Variants in CNTN1 observed in about 807,000 individuals in gnomAD.
The protein encoded by CNTN1 is contactin 1.
CNTN1 carries 38 observed loss-of-function variants against 126.4 expected under a neutral mutation model. The observed-to-expected ratio is 0.30, with a 90% confidence interval of 0.23 to 0.39. CNTN1 has a LOEUF of 0.39. CNTN1 is among the 10% of genes least tolerant of loss of function. CNTN1 has a pLI of 1.00. For synonymous variants in CNTN1, 413 were observed against 422.6 expected (o/e 0.98, Z 0.28); for missense variants, 1,009 against 1,248.4 (o/e 0.81, Z 2.89).
chr12:41,056,028 T>C (rs1174936227), intron 23 of CNTN1, among the ~76,000 whole-genome samples: 1 of 152,092 alleles, frequency 6.6e-6, no homozygotes, highest in Non-Finnish European at 1.5e-5. Flanking sequence ...AAATCCTAAA[T>C]ACCTTCTAAT....
At chr12:41,038,813 G>A (rs2120927942) in intron 23 of CNTN1, among the ~76,000 whole-genome samples, 1 of 152,098 alleles carries the variant, frequency 6.6e-6, no homozygotes, top group South Asian at 2.1e-4. Flanking sequence ...AGCTGAGGAA[G>A]GTAAAGAGAG....
chr12:41,035,942 T>C (rs1949250269), intron 23 of CNTN1, among the ~76,000 whole-genome samples: 1 of 152,188 alleles, frequency 6.6e-6, no homozygotes, highest in Non-Finnish European at 1.5e-5. Context: ...GTTGATGTGC[T>C]TTCAGGAGAT....
intron 1 of CNTN1, among the ~76,000 whole-genome samples, chr12:40,810,202 A>G (rs1941006539): frequency 6.6e-6 from 1 of 152,204 alleles, no homozygotes; most frequent in African/African-American, 2.4e-5. Context: ...TTCCTATAAT[A>G]AGCCCTCTTT....
intron 1 of CNTN1, among the ~76,000 whole-genome samples, chr12:40,843,287 T>C (rs1304932350): frequency 6.6e-6 from 1 of 152,186 alleles, no homozygotes; most frequent in Non-Finnish European, 1.5e-5. Context: ...ACATATTGAT[T>C]GGAAAATTAA....
chr12:40,922,559 A>C (rs1028535594), intron 5 of CNTN1, 131 bp downstream of exon 5: 2 of 797,782 alleles, frequency 2.5e-6, no homozygotes, highest in African/African-American at 3.4e-5. Flanking sequence ...GTGGACCCTA[A>C]TTGTGTAATG....
chr12:41,036,507 T>C (rs1019065912), intron 23 of CNTN1, among the ~76,000 whole-genome samples: 5 of 152,202 alleles, frequency 3.3e-5, no homozygotes, highest in African/African-American at 1.2e-4. Context: ...TAAATCAGTT[T>C]CATGGTATAT....
chr12:40,873,655 G>A (rs1034346433), intron 1 of CNTN1, among the ~76,000 whole-genome samples: 17 of 152,136 alleles, frequency 1.1e-4, no homozygotes, highest in African/African-American at 3.6e-4. Context: ...CATGATATTT[G>A]CCCAAGGATC....
intron 1 of CNTN1, among the ~76,000 whole-genome samples, chr12:40,901,305 CA>C (rs1324688678): frequency 6.6e-6 from 1 of 152,082 alleles, no homozygotes; most frequent in Non-Finnish European, 1.5e-5. Flanking sequence ...TTTTTATATT[CA>C]AAAATTAGCA....
chr12:40,853,375 A>C (rs956335714), intron 1 of CNTN1, among the ~76,000 whole-genome samples: 1 of 152,208 alleles, frequency 6.6e-6, no homozygotes, highest in African/African-American at 2.4e-5. Context: ...TAACTAAAGT[A>C]TTGAACAGGA....
intron 1 of CNTN1, among the ~76,000 whole-genome samples, chr12:40,712,359 A>G (rs1477219628): frequency 1.3e-5 from 2 of 152,166 alleles, no homozygotes; most frequent in East Asian, 1.9e-4. Flanking sequence ...TTCTGTGACC[A>G]ATGTAATAGT....
intron 7 of CNTN1, among the ~76,000 whole-genome samples, chr12:40,933,062 T>C (rs1433944171): frequency 6.6e-6 from 1 of 151,860 alleles, no homozygotes. Context: ...CTTTTCTCCT[T>C]AGTTTCTTGC....
intron 14 of CNTN1, among the ~76,000 whole-genome samples, chr12:40,949,269 A>T (rs1946564742): frequency 6.7e-6 from 1 of 149,784 alleles, no homozygotes; most frequent in African/African-American, 2.4e-5. Flanking sequence ...GCTTATAACT[A>T]GAAAGAAAGG....
intron 1 of CNTN1, among the ~76,000 whole-genome samples, chr12:40,822,407 G>A (rs1323032539): frequency 3.3e-5 from 5 of 151,612 alleles, no homozygotes; most frequent in Non-Finnish European, 2.9e-5. Context: ...CGCTCGCCTC[G>A]GGCTCCCAAA....
chr12:40,802,358 G>A (rs1369490178), intron 1 of CNTN1, among the ~76,000 whole-genome samples: 1 of 151,962 alleles, frequency 6.6e-6, no homozygotes, highest in Non-Finnish European at 1.5e-5. Flanking sequence ...TATTAAGTAT[G>A]AGGTAACTTC....
intron 1 of CNTN1, among the ~76,000 whole-genome samples, chr12:40,823,028 G>C (rs1941501224): frequency 6.6e-6 from 1 of 152,044 alleles, no homozygotes; most frequent in South Asian, 2.1e-4. Flanking sequence ...TTGGTATAAT[G>C]ATGTAATGGG....
chr12:41,014,234 A>C lies in CNTN1; in HGVS notation c.2120A>C (p.Asn707Thr), dbSNP rs751371057. 1.9e-6 allele frequency: 3 copies of C among 1,613,882 alleles called. No homozygotes were observed. The highest frequency in any genetic ancestry group is 2.5e-6 in the Non-Finnish European group (3 of 1,179,826). ...NRIKTDGAAP[N>T]VAPSDVGGGG... ...ATTTGTTTGTTTGTTTCAGCACCAAATGTGGCTCCTTCAGATGTAGGAGGT... is the reference window on the plus strand; with the variant it reads ...ATTTGTTTGTTTGTTTCAGCACCAACTGTGGCTCCTTCAGATGTAGGAGGT... Residue 707 changes from asparagine to threonine, a missense_variant, in exon 18 of 24, where the codon AAT becomes ACT. Physicochemically the swap from Asn to Thr is moderately conservative, Grantham distance 65. Coordinates refer to ENST00000551295, the MANE Select transcript of CNTN1 (RefSeq NM_001843.4).
In CNTN1 at chr12:40,876,314, T is replaced by C. The variant is rs142335328; in HGVS notation, c.-76-32043T>C. On this transcript the variant is annotated intron_variant, in intron 1 of 23. Coordinates refer to ENST00000551295, the MANE Select transcript of CNTN1 (RefSeq NM_001843.4). Reference sequence around the variant, plus strand: ...TTCTAAAATCAAATTCAAAAAAGCATACTTTTCTAATGAGATGTTCATTGA... The same window carrying C: ...TTCTAAAATCAAATTCAAAAAAGCACACTTTTCTAATGAGATGTTCATTGA... 1.5e-3 allele frequency among the ~76,000 whole-genome samples: 222 copies of C among 152,226 alleles called. 3 individuals carry two copies. The highest frequency in any genetic ancestry group is 5.2e-3 in the African/African-American group (216 of 41,578).
At chr12:40,694,847 A>G (rs189117447) in intron 1 of CNTN1, among the ~76,000 whole-genome samples, 50 of 152,286 alleles carry the variant, frequency 3.3e-4, no homozygotes, top group Admixed American at 1.4e-3. Flanking sequence ...TAGCATTGAA[A>G]TTTCAGGTTG....
chr12:41,026,971 T>C (rs1251749253), intron 21 of CNTN1, among the ~76,000 whole-genome samples: 4 of 152,056 alleles, frequency 2.6e-5, no homozygotes, highest in Admixed American at 2.0e-4. Context: ...TGCTGCCAAT[T>C]TGGATGTTGG....
Sources: gnomAD v4.1 joint callset for allele counts (sites outside exome capture counted in the v4.1 genomes callset) on GRCh38, gnomAD v4.1.1 for gene constraint, MANE v1.5 for transcripts, NCBI Gene and HGNC (gene_info 2026-07-23, HGNC 2026-07-21) for gene names.